Variants in RECK observed in about 807,000 individuals in gnomAD.
RECK encodes reversion inducing cysteine rich protein with kazal motifs, also known as reversion-inducing cysteine-rich protein with Kazal motifs.
In RECK, 69 loss-of-function variants were observed where a neutral mutation model predicts 115.1. That is an observed-to-expected ratio of 0.60 (90% CI 0.49 to 0.73). RECK has a LOEUF of 0.73. Ranked by LOEUF, RECK falls within the 30% of genes least tolerant of loss-of-function variation. RECK has a pLI of 0.00. For missense variants in RECK, 1,047 were observed against 1,203.7 expected (o/e 0.87, Z 1.93); for synonymous variants, 414 against 419.7 (o/e 0.99, Z 0.17).
chr9:36,069,499 A>T (rs917170823), intron 6 of RECK, among the ~76,000 whole-genome samples: 1 of 149,602 alleles, frequency 6.7e-6, no homozygotes, highest in Non-Finnish European at 1.5e-5. Context: ...AAAAAAAAAA[A>T]GAAGAGCAAG....
intron 1 of RECK, 93 bp from the exon 2 acceptor site, chr9:36,052,172 C>T (rs968833195): frequency 2.1e-5 from 16 of 745,892 alleles, no homozygotes; most frequent in Non-Finnish European, 3.4e-5. Context: ...TAATCATCAT[C>T]TACTGAATAA....
At chr9:36,110,232 C>G (rs1426077755) in intron 15 of RECK, among the ~76,000 whole-genome samples, 153 bp downstream of exon 15, 1 of 152,206 alleles carries the variant, frequency 6.6e-6, no homozygotes, top group Admixed American at 6.5e-5. Context: ...CCCTGGATCT[C>G]AGTTTCTTCC....
chr9:36,052,404 G>T, intron 2 of RECK, 81 bp downstream of exon 2: 1 of 1,026,774 alleles, frequency 9.7e-7, no homozygotes. Flanking sequence ...AGGCCAGGGT[G>T]GGAGGATTGC....
At chr9:36,062,687 A>C (rs2132585853) in intron 4 of RECK, among the ~76,000 whole-genome samples, 1 of 151,840 alleles carries the variant, frequency 6.6e-6, no homozygotes, top group African/African-American at 2.4e-5. Context: ...CATGTTGGCC[A>C]GACTGGTCTT....
intron 1 of RECK, among the ~76,000 whole-genome samples, chr9:36,038,003 A>T (rs990693906): frequency 3.1e-5 from 1 of 32,060 alleles, no homozygotes; most frequent in African/African-American, 1.4e-4. Flanking sequence ...GAGACACCTT[A>T]AAAAAAAAAA....
intron 1 of RECK, among the ~76,000 whole-genome samples, chr9:36,050,572 A>T (rs753264770): frequency 7.9e-5 from 12 of 152,130 alleles, no homozygotes; most frequent in Non-Finnish European, 1.6e-4. Flanking sequence ...CAGGAACCAG[A>T]GTGGTCTTTT....
chr9:36,039,711 G>A (rs1473867638), intron 1 of RECK, among the ~76,000 whole-genome samples: 1 of 152,182 alleles, frequency 6.6e-6, no homozygotes, highest in African/African-American at 2.4e-5. Flanking sequence ...CCAGGTTTCA[G>A]TAAGTTGACA....
At chr9:36,065,976 T>A (rs1821981195) in intron 6 of RECK, among the ~76,000 whole-genome samples, 1 of 152,148 alleles carries the variant, frequency 6.6e-6, no homozygotes. Context: ...CCCATCCAGG[T>A]GGTATTCATT....
At chr9:36,077,301 T>C (rs1421473580) in intron 6 of RECK, among the ~76,000 whole-genome samples, 1 of 152,090 alleles carries the variant, frequency 6.6e-6, no homozygotes, top group African/African-American at 2.4e-5. Context: ...GACTTAAAAA[T>C]TGACTAGCTA....
In RECK at chr9:36,121,582, G is replaced by A. The variant is rs375728854; in HGVS notation, c.2588G>A (p.Arg863His). 18 of 1,613,884 alleles carry A rather than the reference G, an allele frequency of 1.1e-5. No homozygotes were observed. Among genetic ancestry groups the A allele is most frequent in the African/African-American group, 8.0e-5 (6 of 74,924 alleles). ...GTTCTGGAAATACTTCAGAAAATCC[G>A]CATGCACGTGTCTGTCCCACAGTGT... is the stretch of plus-strand genomic sequence containing the variant. ...ITVLEILQKIRMHVSVPQCDV... is the reference protein window; with the variant it reads ...ITVLEILQKIHMHVSVPQCDV... The change falls in exon 20 of 21, where the codon CGC (arginine) becomes CAC (histidine). Residue 863 changes from arginine (R) to histidine (H), a missense_variant. Transcript: ENST00000377966.
At chr9:36,113,721 T>C (rs1168370624) in intron 16 of RECK, among the ~76,000 whole-genome samples, 1 of 152,228 alleles carries the variant, frequency 6.6e-6, no homozygotes, top group Non-Finnish European at 1.5e-5. Flanking sequence ...AAAGCGCTGA[T>C]GTCCTTGTAA....
chr9:36,040,658 G>A (rs1194204034), intron 1 of RECK, among the ~76,000 whole-genome samples: 1 of 151,960 alleles, frequency 6.6e-6, no homozygotes, highest in Non-Finnish European at 1.5e-5. Context: ...GTATAAGCAG[G>A]ATGACTAGAA....
At chr9:36,071,874 A>G (rs1409072659) in intron 6 of RECK, among the ~76,000 whole-genome samples, 1 of 152,200 alleles carries the variant, frequency 6.6e-6, no homozygotes, top group Non-Finnish European at 1.5e-5. Flanking sequence ...CTATCAGTAC[A>G]CAGCTAAATG....
At position 36,094,383 on chromosome 9, in the gene RECK, A is replaced by G. The variant is rs1372179783; in HGVS notation, c.1085+3040A>G. Among the ~76,000 whole-genome samples, 3 of 152,280 alleles carry G rather than the reference A, an allele frequency of 2.0e-5. No homozygotes were observed. Among genetic ancestry groups the G allele is most frequent in the East Asian group, 3.8e-4 (2 of 5,196 alleles). On this transcript the variant is annotated intron_variant, in intron 10 of 20. Coordinates refer to ENST00000377966, the MANE Select transcript of RECK (RefSeq NM_021111.3). The surrounding 1 kb of genome is among the most constrained non-coding windows in gnomAD (Gnocchi z 4.1). ...TCTTACATTATTTGTGACATTGTAT[A>G]GTATTAATTCAAGGAAAACTATAAT...
At chr9:36,077,684 C>T (rs1415402376) in intron 6 of RECK, among the ~76,000 whole-genome samples, 1 of 152,108 alleles carries the variant, frequency 6.6e-6, no homozygotes, top group African/African-American at 2.4e-5. Flanking sequence ...TTCAGGTAAA[C>T]TTAGGCACAA....
chr9:36,109,882 A>C (rs1823969031), intron 14 of RECK, 75 bp from the exon 15 acceptor site: 1 of 1,363,682 alleles, frequency 7.3e-7, no homozygotes, highest in African/African-American at 1.4e-5. Context: ...AACTTGTTGA[A>C]CTATTAAAAT....
intron 4 of RECK, among the ~76,000 whole-genome samples, chr9:36,063,221 T>C (rs772150819): frequency 9.9e-5 from 15 of 152,198 alleles, no homozygotes; most frequent in Non-Finnish European, 2.1e-4. Context: ...TGAACATCAA[T>C]TGAACCAGAA....
In RECK at chr9:36,123,864, C is replaced by A. The variant is rs1357676703; in HGVS notation, c.*819C>A. On this transcript the variant is annotated 3_prime_UTR_variant, in exon 21 of 21. Transcript: ENST00000377966. ...TCAATCTTTAAACCAATTGCTGCTA[C>A]TTATATAATTGCCAAAAAGTGAAAT... is the stretch of plus-strand genomic sequence containing the variant. 1 of 152,606 alleles carries A rather than the reference C, an allele frequency of 6.6e-6. No individual in the cohort carries two copies. The highest frequency in any genetic ancestry group is 1.5e-5 in the Non-Finnish European group (1 of 68,028). The allele number at this position is 152,606 out of a possible 1,614,324, so 9.5% of individuals were successfully genotyped here.
At chr9:36,082,112 A>G (rs1822724407) in intron 7 of RECK, among the ~76,000 whole-genome samples, 1 of 150,132 alleles carries the variant, frequency 6.7e-6, no homozygotes, top group African/African-American at 2.5e-5. Flanking sequence ...TGGTTCCTCC[A>G]TATCTATCCC....
Sources: allele counts gnomAD v4.1 joint callset (sites outside exome capture counted in the v4.1 genomes callset), GRCh38; gene constraint gnomAD v4.1.1; non-coding constraint Gnocchi (gnomAD v3.1); transcripts MANE v1.5; gene names NCBI Gene and HGNC (gene_info 2026-07-23, HGNC 2026-07-21).